The following FRRS1L variants were observed in gnomAD, a reference collection of about 807,000 sequenced individuals.
FRRS1L encodes the protein DOMON domain-containing protein FRRS1L.
Under a neutral mutation model 28.6 loss-of-function variants are expected in FRRS1L, and 22 were observed. The ratio of observed to expected loss-of-function variants is 0.77; its 90% confidence interval spans 0.55 to 1.10. FRRS1L has a LOEUF of 1.10. Ranked by LOEUF, FRRS1L falls within the 50% of genes least tolerant of loss-of-function variation. The probability of loss-of-function intolerance (pLI) is 0.00; values close to 1 mark genes in which losing one functional copy is unlikely to be tolerated. For synonymous variants in FRRS1L, 158 were observed against 151.4 expected, an observed-to-expected ratio of 1.04 and a Z score of -0.32; for missense variants, 380 against 386.9, an observed-to-expected ratio of 0.98 and a Z score of 0.15.
rs1351047928 is a variant in FRRS1L at position 109,147,071 on chromosome 9, A to C, written c.442T>G (p.Phe148Val). Residue 148 changes from phenylalanine (F) to valine (V), a missense_variant, in exon 3 of 5, where the codon TTC becomes GTC. Coordinates refer to ENST00000561981, the MANE Select transcript of FRRS1L (RefSeq NM_014334.4). ...ADTDGWVAVG[F>V]SSDKKMGGDD... The stretch of plus-strand genomic sequence containing the variant: ...CTTACCATTTTCTTGTCTGAAGAGA[A>C]TCCAACTGCTACCCAACCATCTGTG... The C allele has an allele frequency of 6.2e-7, 1 of 1,614,064 alleles. No individual in the cohort carries two copies. The highest frequency in any genetic ancestry group is 1.7e-5 in the Admixed American group (1 of 60,026).
chr9:109,157,533 G>T (rs1395022554), intron 1 of FRRS1L, among the ~76,000 whole-genome samples: 1 of 152,084 alleles, frequency 6.6e-6, no homozygotes, highest in Non-Finnish European at 1.5e-5. Context: ...ACCACAGGCA[G>T]GTGCCACCAT....
chr9:109,144,617 A>C lies in FRRS1L; in HGVS notation c.462+2434T>G, dbSNP rs1831230609. 1.3e-5 allele frequency among the ~76,000 whole-genome samples: 2 copies of C among 151,084 alleles called. 1 individual carries two copies. Among genetic ancestry groups the C allele is most frequent in the African/African-American group, 4.9e-5 (2 of 41,014 alleles). On this transcript the variant is annotated intron_variant, in intron 3 of 4. Coordinates refer to ENST00000561981, the MANE Select transcript of FRRS1L (RefSeq NM_014334.4). ...CGACCTCAAGCAATCCACCTGCTTC[A>C]GCCTCCCAAAGTGCTGGGATTATAG... is the stretch of plus-strand genomic sequence containing the variant.
chr9:109,149,387 A>T (rs2118487202), intron 2 of FRRS1L, among the ~76,000 whole-genome samples: 1 of 152,266 alleles, frequency 6.6e-6, no homozygotes, highest in East Asian at 1.9e-4. Flanking sequence ...TGAGTAGGAG[A>T]CACCTGGAGC....
In FRRS1L at chr9:109,135,123, T is replaced by A. The variant is rs1831097555; in HGVS notation, c.*2332A>T. 6.6e-6 allele frequency: 1 copy of A among 152,234 alleles called. No homozygotes were observed. Among genetic ancestry groups the A allele is most frequent in the Non-Finnish European group, 1.5e-5 (1 of 68,046 alleles). The allele number at this position is 152,234 out of a possible 1,614,324, so 9.4% of individuals were successfully genotyped here. A position where few individuals can be genotyped will look rare whatever the true frequency, so the allele number is the denominator to read the frequency against. ...ATTTTGGTTCAACTCCAGGAGAATG[T>A]GAAAGCTCTCCCCACAGGCAGACTT... is the stretch of plus-strand genomic sequence containing the variant. On this transcript the variant is annotated 3_prime_UTR_variant, in exon 5 of 5. Transcript: ENST00000561981.
chr9:109,149,576 C>T, intron 2 of FRRS1L, 60 bp downstream of exon 2: 7 of 1,134,750 alleles, frequency 6.2e-6, no homozygotes, highest in South Asian at 1.3e-5. Context: ...AATTTAAATA[C>T]TACCCTGAGA....
intron 3 of FRRS1L, 86 bp downstream of exon 3, chr9:109,146,965 T>C: frequency 8.1e-7 from 1 of 1,240,012 alleles, no homozygotes; most frequent in Non-Finnish European, 1.2e-6. Flanking sequence ...ATTATACTGC[T>C]TTGATCAATT....
chr9:109,135,017 C>T lies in FRRS1L; in HGVS notation c.*2438G>A, dbSNP rs1199352506. 2.0e-5 allele frequency: 3 copies of T among 152,178 alleles called. No homozygotes were observed. The highest frequency in any genetic ancestry group is 7.2e-5 in the African/African-American group (3 of 41,444). The allele number at this position is 152,178 out of a possible 1,614,324, so 9.4% of individuals were successfully genotyped here. Reference sequence around the variant, plus strand: ...TTATGCACTTGATGTCATTTAATTTCTCCCCATCTGCAATGAACAGAATTT... The same window carrying T: ...TTATGCACTTGATGTCATTTAATTTTTCCCCATCTGCAATGAACAGAATTT... On this transcript the variant is annotated 3_prime_UTR_variant, in exon 5 of 5. Transcript: ENST00000561981.
rs895538581 is a variant in FRRS1L, at chr9:109,132,046, T to C, written c.*5409A>G. ...TGGAGTGCAGAGGGGCAATCTCGGC[T>C]CATTGAAAGCTCCACCTCCCGGGTT... On this transcript the variant is annotated 3_prime_UTR_variant, in exon 5 of 5. Transcript: ENST00000561981. 6.6e-6 allele frequency: 1 copy of C among 151,902 alleles called. No individual in the cohort carries two copies. The highest frequency in any genetic ancestry group is 2.4e-5 in the African/African-American group (1 of 41,410). The allele number at this position is 151,902 out of a possible 1,614,324, so 9.4% of individuals were successfully genotyped here.
At chr9:109,150,611 T>C (rs1831320271) in intron 1 of FRRS1L, 1 of 148,176 alleles carries the variant, frequency 6.7e-6, no homozygotes, top group South Asian at 2.1e-4. Flanking sequence ...TACACCATAA[T>C]GCATCAAACC....
At chr9:109,143,608 G>A (rs1262683514) in intron 3 of FRRS1L, among the ~76,000 whole-genome samples, 1 of 149,622 alleles carries the variant, frequency 6.7e-6, no homozygotes, top group African/African-American at 2.5e-5. Context: ...TCCGCCTCTC[G>A]GGTTCAAGCA....
intron 1 of FRRS1L, among the ~76,000 whole-genome samples, chr9:109,159,545 A>C (rs1831455086): frequency 6.6e-6 from 1 of 152,160 alleles, no homozygotes; most frequent in South Asian, 2.1e-4. Flanking sequence ...CCCACCTGTA[A>C]TCCCAGCTAC....
intron 1 of FRRS1L, 33 bp downstream of exon 1, chr9:109,166,868 C>T: frequency 9.1e-7 from 1 of 1,097,034 alleles, no homozygotes; most frequent in Non-Finnish European, 1.2e-6. Context: ...CCGGTCTCCC[C>T]TCCCGCAACC....
In FRRS1L at chr9:109,166,972, A is replaced by G. The variant is rs1831561182; in HGVS notation, c.167T>C (p.Val56Ala). The G allele has an allele frequency of 1.5e-6, 2 of 1,305,154 alleles. No homozygotes were observed. Among genetic ancestry groups the G allele is most frequent in the East Asian group, 3.3e-5 (1 of 30,618 alleles). The allele number at this position is 1,305,154 out of a possible 1,614,324, so 80.8% of individuals were successfully genotyped here. A position where few individuals can be genotyped will look rare whatever the true frequency, so the allele number is the denominator to read the frequency against. Reference sequence around the variant, plus strand: ...GCCGTAGGAGGAGTCGTGGCGCGGCACCGCCTCGTCGGCGCCCGTGTCCCC... The same window carrying G: ...GCCGTAGGAGGAGTCGTGGCGCGGCGCCGCCTCGTCGGCGCCCGTGTCCCC... ...ARGDTGADEA[V>A]PRHDSSYGTF... Residue 56 changes from valine to alanine, a missense_variant, in exon 1 of 5, where the codon GTG becomes GCG. Val to Ala is a moderately conservative substitution (Grantham distance 64). Coordinates refer to ENST00000561981, the MANE Select transcript of FRRS1L (RefSeq NM_014334.4).
Position 109,167,216 on chromosome 9 carries a change from C to A in FRRS1L, c.-78G>T, listed in dbSNP as rs1310777849. ...CGGGCGCGGGCCGGGACTGAGCCTC[C>A]GCCGAGGCCACCAGCACGCGCCCGC... On this transcript the variant is annotated 5_prime_UTR_variant, in exon 1 of 5. Transcript: ENST00000561981. 3 of 1,332,788 alleles carry A rather than the reference C, an allele frequency of 2.3e-6. No homozygotes were observed. The highest frequency in any genetic ancestry group is 3.1e-5 in the African/African-American group (2 of 65,070). The allele number at this position is 1,332,788 out of a possible 1,614,324, so 82.6% of individuals were successfully genotyped here.
rs184226280 is a variant in FRRS1L at position 109,155,258 on chromosome 9, G to A, written c.239-5538C>T. 9.2e-5 allele frequency among the ~76,000 whole-genome samples: 14 copies of A among 152,230 alleles called. No individual in the cohort carries two copies. In the East Asian group the frequency reaches 2.7e-3, roughly 29 times the overall value. On this transcript the variant is annotated intron_variant, in intron 1 of 4. Coordinates refer to ENST00000561981, the MANE Select transcript of FRRS1L (RefSeq NM_014334.4). The stretch of plus-strand genomic sequence containing the variant: ...ATATCACTTGTGTATGTTTTAATTT[G>A]CATAAATGACACTGTGCAGTACATC...
At chr9:109,141,647 G>A in intron 3 of FRRS1L, 58 bp from the exon 4 acceptor site, 1 of 1,545,876 alleles carries the variant, frequency 6.5e-7, no homozygotes, top group Non-Finnish European at 8.8e-7. Context: ...TTGCACACTG[G>A]TCACTAGAAA....
intron 1 of FRRS1L, among the ~76,000 whole-genome samples, chr9:109,155,506 G>A (rs1394377669): frequency 2.0e-5 from 3 of 152,080 alleles, no homozygotes; most frequent in Non-Finnish European, 4.4e-5. Context: ...TTGAGGTCAG[G>A]AGTTCGAGAC....
chr9:109,166,981 T>G lies in FRRS1L; in HGVS notation c.158A>C (p.Asp53Ala). The change falls in exon 1 of 5, where the codon GAC (aspartate) becomes GCC (alanine). Residue 53 changes from aspartate (D) to alanine (A), a missense_variant. By Grantham distance (126) the Asp-to-Ala change is moderately radical. Coordinates refer to ENST00000561981, the MANE Select transcript of FRRS1L (RefSeq NM_014334.4). The stretch of plus-strand genomic sequence containing the variant: ...GGAGTCGTGGCGCGGCACCGCCTCG[T>G]CGGCGCCCGTGTCCCCCCGCGCGCG... ...RGRARGDTGA[D>A]EAVPRHDSSY... 1 of 1,290,708 alleles carries G rather than the reference T, an allele frequency of 7.7e-7. No individual in the cohort carries two copies. 80.0% of individuals were successfully genotyped at this position (1,290,708 alleles called of 1,614,324 possible).
chr9:109,154,154 G>A (rs1242394441), intron 1 of FRRS1L, among the ~76,000 whole-genome samples: 1 of 152,234 alleles, frequency 6.6e-6, no homozygotes, highest in Non-Finnish European at 1.5e-5. Context: ...CAGCAGCTGA[G>A]CACAGCCTCA....
Sources: gnomAD v4.1 joint callset for allele counts (sites outside exome capture counted in the v4.1 genomes callset) on GRCh38, gnomAD v4.1.1 for gene constraint, MANE v1.5 for transcripts, NCBI Gene and HGNC (gene_info 2026-07-23, HGNC 2026-07-21) for gene names.